The following DACT3 variants were observed in gnomAD, a reference collection of about 807,000 sequenced individuals.
DACT3 encodes the protein dapper homolog 3.
Under a neutral mutation model 19.6 loss-of-function variants are expected in DACT3, and 5 were observed. The ratio of observed to expected loss-of-function variants is 0.26; its 90% CI spans 0.13 to 0.54. The LOEUF (loss-of-function observed/expected upper bound fraction) is 0.54, where lower values mean the gene tolerates loss of function less well. Among genes scored for constraint, DACT3 ranks in the 20% least tolerant of loss-of-function variants. The pLI, the probability that DACT3 is intolerant of heterozygous loss-of-function variation, is 0.95. For missense variants in DACT3, 908 were observed against 927.4 expected, an observed-to-expected ratio of 0.98 and a Z score of 0.27; for synonymous variants, 454 against 428.1, an observed-to-expected ratio of 1.06 and a Z score of -0.75.
intron 1 of DACT3, chr19:46,659,321 A>C (rs1053608292): frequency 1.3e-5 from 12 of 951,828 alleles, no homozygotes; most frequent in Middle Eastern, 1.1e-3. Flanking sequence ...AGAGGGACCG[A>C]GGAGAGGGAG....
chr19:46,658,551 C>T (rs1435445190), intron 1 of DACT3, among the ~76,000 whole-genome samples: 5 of 152,184 alleles, frequency 3.3e-5, no homozygotes, highest in East Asian at 3.9e-4. Flanking sequence ...AGCACCTAGA[C>T]GCCCCCCAAA....
intron 1 of DACT3, among the ~76,000 whole-genome samples, chr19:46,658,561 A>G (rs1359579848): frequency 6.6e-6 from 1 of 151,984 alleles, no homozygotes; most frequent in Non-Finnish European, 1.5e-5. Context: ...CGCCCCCCAA[A>G]AATATTCCAA....
intron 1 of DACT3, chr19:46,654,946 T>G (rs888995354): frequency 1.0e-6 from 1 of 984,700 alleles, no homozygotes; most frequent in Admixed American, 6.2e-5. Context: ...GCTCCTGCCC[T>G]GGGTATATTG....
intron 3 of DACT3, 56 bp from the exon 4 acceptor site, chr19:46,649,928 G>C: frequency 7.7e-7 from 1 of 1,306,764 alleles, no homozygotes; most frequent in Non-Finnish European, 9.7e-7. Context: ...GGCTCTCAAA[G>C]TCCTTTCCCA....
At position 46,648,594 on chromosome 19, in the gene DACT3, C is replaced by T. The variant is rs1420012005; in HGVS notation, c.1778G>A (p.Gly593Glu). Reference protein sequence around the residue: ...TAASGGGAGAGAPAGPAKVFV... With the variant: ...TAASGGGAGAEAPAGPAKVFV... ...GACTTTGGCGGGGCCTGCGGGCGCCCCTGCACCTGCTCCACCCCCAGAGGC... is the reference window on the plus strand; with the variant it reads ...GACTTTGGCGGGGCCTGCGGGCGCCTCTGCACCTGCTCCACCCCCAGAGGC... The change falls in exon 4 of 4, where the codon GGG (glycine) becomes GAG (glutamate). Residue 593 changes from glycine to glutamate, a missense_variant. Coordinates refer to ENST00000391916, the MANE Select transcript of DACT3 (RefSeq NM_145056.3). The surrounding 1 kb of genome is among the most constrained non-coding windows in gnomAD (Gnocchi z 5.1). 2 of 1,613,380 alleles carry T rather than the reference C, an allele frequency of 1.2e-6. No individual in the cohort carries two copies. Among genetic ancestry groups the T allele is most frequent in the East Asian group, 2.2e-5 (1 of 44,864 alleles).
intron 1 of DACT3, among the ~76,000 whole-genome samples, chr19:46,658,624 G>T (rs987779041): frequency 6.6e-6 from 1 of 152,006 alleles, no homozygotes; most frequent in East Asian, 1.9e-4. Context: ...GTTGCAAAAG[G>T]ATGAATCTTT....
rs942655298 is a variant in DACT3 at position 46,661,054 on chromosome 19, G to A, written c.11C>T (p.Ala4Val). MIR[A>V]FSFPVSPERG... ...CTCAGGGCTCACCGGGAACGAGAAG[G>A]CCCGGATCATGGCTGCGGCCCCCCG... Residue 4 changes from alanine to valine, a missense_variant, in exon 1 of 4, where the codon GCC becomes GTC. Ala to Val is a moderately conservative substitution (Grantham distance 64, BLOSUM62 0). Coordinates refer to ENST00000391916, the MANE Select transcript of DACT3 (RefSeq NM_145056.3). The A allele has an allele frequency of 2.0e-6, 3 of 1,494,888 alleles. No homozygotes were observed. Among genetic ancestry groups the A allele is most frequent in the Admixed American group, 2.2e-5 (1 of 45,130 alleles). The allele number at this position is 1,494,888 out of a possible 1,614,324, so 92.6% of individuals were successfully genotyped here. A position where few individuals can be genotyped will look rare whatever the true frequency, so the allele number is the denominator to read the frequency against.
In DACT3 at chr19:46,649,122, C is replaced by A; in HGVS notation, c.1250G>T (p.Arg417Met). 1 of 1,279,774 alleles carries A rather than the reference C, an allele frequency of 7.8e-7. No individual in the cohort carries two copies. The allele number at this position is 1,279,774 out of a possible 1,614,324, so 79.3% of individuals were successfully genotyped here. ...AEASGRRGSP[R>M]ARKASRSQSE... ...CTGGGAGCGCGAGGCCTTGCGGGCC[C>A]TGGGCGAGCCGCGGCGGCCCGAAGC... The change falls in exon 4 of 4, where the codon AGG (arginine) becomes ATG (methionine). Residue 417 changes from arginine to methionine, a missense_variant. Around this residue, in one of 2 missense-constraint regions of DACT3, gnomAD observed 656 missense variants for 601.8 expected, o/e 1.09. Coordinates refer to ENST00000391916, the MANE Select transcript of DACT3 (RefSeq NM_145056.3).
chr19:46,654,839 A>T (rs1364046293), intron 1 of DACT3: 64 of 161,450 alleles, frequency 4.0e-4, no homozygotes, highest in Non-Finnish European at 5.3e-4. Flanking sequence ...GCCCCATCCC[A>T]GTCTCTCCAG....
At position 46,654,688 on chromosome 19, in the gene DACT3, C is replaced by T. The variant is rs895453215; in HGVS notation, c.250-1613G>A. 15 of 985,222 alleles carry T rather than the reference C, an allele frequency of 1.5e-5. No individual in the cohort carries two copies. The African/African-American group carries it at 1.6e-4, about 10-fold the overall frequency. The allele number at this position is 985,222 out of a possible 1,614,324, so 61.0% of individuals were successfully genotyped here. On this transcript the variant is annotated intron_variant, in intron 1 of 3. Coordinates refer to ENST00000391916, the MANE Select transcript of DACT3 (RefSeq NM_145056.3). ...GTAGCAGCAGGCAGCCTCGGGCTGA[C>T]GGTTGACCCTCAGACAAAAGCGGCT...
rs113149773 is a variant in DACT3 at position 46,652,901 on chromosome 19, C to G, written c.346+78G>C. ...AAGGAGGAGATGGCGTGGGGAGAGA[C>G]ACAGGGGGCCTCAGAAATAGGGATA... On this transcript the variant is annotated intron_variant, in intron 2 of 3. Transcript: ENST00000391916. 2.4e-4 allele frequency: 371 copies of G among 1,541,964 alleles called. 2 individuals carry two copies. In the African/African-American group the frequency reaches 4.1e-3, roughly 17 times the overall value.
At position 46,649,488 on chromosome 19, in the gene DACT3, G is replaced by A. The variant is rs2052957610; in HGVS notation, c.884C>T (p.Ser295Phe). The change falls in exon 4 of 4, where the codon TCC (serine) becomes TTC (phenylalanine). Residue 295 changes from serine to phenylalanine, a missense_variant. Ser to Phe is a radical substitution (Grantham distance 155, BLOSUM62 -2). Transcript: ENST00000391916. ...VRQRPPDASP[S>F]PGSARPAREP... is the part of the protein sequence containing the mutation. ...CCGCGCGGGTCGCGCGCTGCCGGGG[G>A]ACGGAGACGCGTCGGGCGGCCGCTG... 8.8e-7 allele frequency: 1 copy of A among 1,132,088 alleles called. No homozygotes were observed. Among genetic ancestry groups the A allele is most frequent in the Non-Finnish European group, 1.1e-6 (1 of 926,292 alleles). 70.1% of individuals were successfully genotyped at this position (1,132,088 alleles called of 1,614,324 possible). A position where few individuals can be genotyped will look rare whatever the true frequency, so the allele number is the denominator to read the frequency against.
chr19:46,648,488 T>C lies in DACT3; in HGVS notation c.1884A>G (p.Thr628=). The change falls in exon 4 of 4, where the codon ACA becomes ACG. Residue 628 remains threonine (T), a synonymous_variant. Coordinates refer to ENST00000391916, the MANE Select transcript of DACT3 (RefSeq NM_145056.3). The surrounding 1 kb of genome is among the most constrained non-coding windows in gnomAD (Gnocchi z 5.1). The stretch of plus-strand genomic sequence containing the variant: ...CCCAAGCAAATCCCCAAACTCACAC[T>C]GTAGTCATGACCTTGAGAGAACCCG... ...FRSGSLKVMT[T]V is the part of the protein sequence containing the mutation. The C allele has an allele frequency of 6.2e-7, 1 of 1,613,954 alleles. No homozygotes were observed. The highest frequency in any genetic ancestry group is 8.5e-7 in the Non-Finnish European group (1 of 1,179,856).
intron 1 of DACT3, chr19:46,659,355 G>C: frequency 4.2e-6 from 4 of 949,406 alleles, no homozygotes; most frequent in Non-Finnish European, 5.0e-6. Flanking sequence ...GATGGGGAAG[G>C]TGAAGGGTGA....
chr19:46,655,333 C>T (rs933817579), intron 1 of DACT3, among the ~76,000 whole-genome samples: 4 of 152,156 alleles, frequency 2.6e-5, no homozygotes, highest in Non-Finnish European at 5.9e-5. Context: ...TACATCAGGC[C>T]AGGCTCGGTG....
chr19:46,650,616 C>T (rs2052974828), intron 3 of DACT3: 1 of 151,994 alleles, frequency 6.6e-6, no homozygotes, highest in Non-Finnish European at 1.5e-5. Context: ...TGGGGTCTCA[C>T]TGTGTTGCCC....
Position 46,660,359 on chromosome 19 carries a change from T to A in DACT3, c.249+457A>T, listed in dbSNP as rs1001126456. 6.5e-6 allele frequency: 1 copy of A among 154,706 alleles called. No individual in the cohort carries two copies. Among genetic ancestry groups the A allele is most frequent in the South Asian group, 1.8e-4 (1 of 5,606 alleles). 9.6% of individuals were successfully genotyped at this position (154,706 alleles called of 1,614,324 possible). A position where few individuals can be genotyped will look rare whatever the true frequency, so the allele number is the denominator to read the frequency against. The stretch of plus-strand genomic sequence containing the variant: ...GGACTTAGGGAAGATGGAGCCCTGG[T>A]GGCGGGGCCCAGAGAAGGGCATGTT... On this transcript the variant is annotated intron_variant, in intron 1 of 3. Transcript: ENST00000391916. This position sits in a 1 kb window ranked among gnomAD's most constrained non-coding sequence, Gnocchi z 4.9.
intron 3 of DACT3, 40 bp downstream of exon 3, chr19:46,652,620 C>T (rs2052996564): frequency 6.5e-7 from 1 of 1,544,980 alleles, no homozygotes; most frequent in South Asian, 1.2e-5. Context: ...CTCCTACTGT[C>T]CTTTCCCTGG....
chr19:46,661,050 G>C lies in DACT3; in HGVS notation c.15C>G (p.Phe5Leu). 1 of 1,507,238 alleles carries C rather than the reference G, an allele frequency of 6.6e-7. No individual in the cohort carries two copies. Among genetic ancestry groups the C allele is most frequent in the Non-Finnish European group, 8.8e-7 (1 of 1,134,644 alleles). 93.4% of individuals were successfully genotyped at this position (1,507,238 alleles called of 1,614,324 possible). A position where few individuals can be genotyped will look rare whatever the true frequency, so the allele number is the denominator to read the frequency against. The stretch of plus-strand genomic sequence containing the variant: ...CCCGCTCAGGGCTCACCGGGAACGA[G>C]AAGGCCCGGATCATGGCTGCGGCCC... MIRA[F>L]SFPVSPERGR... The change falls in exon 1 of 4, where the codon TTC becomes TTG. Residue 5 changes from phenylalanine (F) to leucine (L), a missense_variant. Phe to Leu is a conservative substitution (Grantham distance 22). Transcript: ENST00000391916.
Sources: gnomAD v4.1 joint callset for allele counts (sites outside exome capture counted in the v4.1 genomes callset) on GRCh38, gnomAD v4.1.1 for gene constraint, gnomAD v4.1.1 regional missense constraint, Gnocchi (gnomAD v3.1) non-coding constraint, MANE v1.5 for transcripts, NCBI Gene and HGNC (gene_info 2026-07-23, HGNC 2026-07-21) for gene names.